GAP43: variants seen among roughly 807,000 people sequenced by gnomAD.
GAP43 encodes neuromodulin.
A neutral mutation model predicts 18.6 loss-of-function variants in GAP43; 6 were observed. The observed-to-expected ratio is 0.32, with a 90% CI of 0.18 to 0.64. GAP43 has a LOEUF of 0.64. Ranked by LOEUF, GAP43 falls within the 30% of genes least tolerant of loss-of-function variation. The pLI, the probability that GAP43 is intolerant of heterozygous loss-of-function variation, is 0.78. For missense variants in GAP43, 292 were observed against 295.5 expected (o/e 0.99, Z 0.09); for synonymous variants, 115 against 111.4 (o/e 1.03, Z -0.20).
chr3:115,623,542 G>C lies in GAP43; in HGVS notation c.-148G>C. On this transcript the variant is annotated 5_prime_UTR_variant, in exon 1 of 3. Coordinates refer to ENST00000305124, the MANE Select transcript of GAP43 (RefSeq NM_002045.4). ...CTGCTAACTGCCCTGGTGTGTGTGA[G>C]GGAGAGAGAGGGAGGGAGGGAGAGA... 1.1e-6 allele frequency: 1 copy of C among 904,080 alleles called. No individual in the cohort carries two copies. Among genetic ancestry groups the C allele is most frequent in the Non-Finnish European group, 1.8e-6 (1 of 569,180 alleles). The allele number at this position is 904,080 out of a possible 1,614,324, so 56.0% of individuals were successfully genotyped here.
intron 1 of GAP43, among the ~76,000 whole-genome samples, chr3:115,639,347 T>G (rs1339025716): frequency 6.6e-6 from 1 of 152,098 alleles, no homozygotes; most frequent in African/African-American, 2.4e-5. Flanking sequence ...TATAAACTTC[T>G]TAATATCTGG....
At chr3:115,702,049 C>A (rs575653626) in intron 2 of GAP43, among the ~76,000 whole-genome samples, 3 of 152,144 alleles carry the variant, frequency 2.0e-5, no homozygotes, top group South Asian at 4.2e-4. Flanking sequence ...TAAGGCCAAT[C>A]TGGTTACACT....
intron 1 of GAP43, among the ~76,000 whole-genome samples, chr3:115,669,929 A>T (rs1362424035): frequency 6.7e-6 from 1 of 148,782 alleles, no homozygotes; most frequent in African/African-American, 2.5e-5. Flanking sequence ...ATGTTGGGGG[A>T]TCCGGTGTAT....
chr3:115,710,804 A>G (rs1298760207), intron 2 of GAP43, among the ~76,000 whole-genome samples: 1 of 152,168 alleles, frequency 6.6e-6, no homozygotes, highest in Non-Finnish European at 1.5e-5. Context: ...CTTAGGTTTT[A>G]TGATTTTTGT....
chr3:115,643,988 C>T (rs1708429180), intron 1 of GAP43, among the ~76,000 whole-genome samples: 1 of 151,988 alleles, frequency 6.6e-6, no homozygotes, highest in African/African-American at 2.4e-5. Context: ...TTCCACCTGC[C>T]TCCACTTCCT....
chr3:115,660,968 T>C (rs74879029), intron 1 of GAP43, among the ~76,000 whole-genome samples: 50 of 152,322 alleles, frequency 3.3e-4, no homozygotes, highest in African/African-American at 1.2e-3. Context: ...TTCACTGCCT[T>C]GTCTTCATCC....
At position 115,714,873 on chromosome 3, in the gene GAP43, G is replaced by GCACACA. The variant is rs111292409; in HGVS notation, c.629-5902_629-5897dup. 3.5e-3 allele frequency among the ~76,000 whole-genome samples: 521 copies of GCACACA among 150,474 alleles called. 2 individuals are homozygous for GCACACA. Among genetic ancestry groups the GCACACA allele is most frequent in the African/African-American group, 0.01 (425 of 41,024 alleles). On this transcript the variant is annotated intron_variant, in intron 2 of 2. Coordinates refer to ENST00000305124, the MANE Select transcript of GAP43 (RefSeq NM_002045.4). The stretch of plus-strand genomic sequence containing the variant: ...ACTACATAGATACACGTGTGCGCGT[G>GCACACA]CACACACACACACACACACACACAT...
intron 2 of GAP43, among the ~76,000 whole-genome samples, chr3:115,705,421 A>G (rs905680162): frequency 6.6e-6 from 1 of 152,212 alleles, no homozygotes; most frequent in Non-Finnish European, 1.5e-5. Flanking sequence ...CAACTTTATA[A>G]TAAGGAATAT....
chr3:115,643,318 TG>T (rs1416666854), intron 1 of GAP43, among the ~76,000 whole-genome samples: 1 of 152,040 alleles, frequency 6.6e-6, no homozygotes. Context: ...AATCAGTTGG[TG>T]GTTTTGCCTT....
intron 1 of GAP43, among the ~76,000 whole-genome samples, chr3:115,650,351 A>C (rs553436591): frequency 6.6e-6 from 1 of 152,308 alleles, no homozygotes; most frequent in East Asian, 1.9e-4. Flanking sequence ...TCCACAACCC[A>C]AAAGAAAACC....
intron 1 of GAP43, among the ~76,000 whole-genome samples, chr3:115,624,192 C>T (rs1393107075): frequency 2.0e-5 from 3 of 152,034 alleles, no homozygotes; most frequent in Non-Finnish European, 2.9e-5. Flanking sequence ...TGCCTTATTT[C>T]GTGCATGCAT....
rs919704797 is a variant in GAP43, at chr3:115,666,829, C to T, written c.31-9184C>T. 2.6e-5 allele frequency among the ~76,000 whole-genome samples: 4 copies of T among 152,152 alleles called. 1 individual carries two copies. Among genetic ancestry groups the T allele is most frequent in the Admixed American group, 6.5e-5 (1 of 15,272 alleles). On this transcript the variant is annotated intron_variant, in intron 1 of 2. Coordinates refer to ENST00000305124, the MANE Select transcript of GAP43 (RefSeq NM_002045.4). ...GCTTTGTCATTCAGAAGCTGGATGA[C>T]GCTGGACTCCTTCCTGGTTCCTCAT...
chr3:115,629,422 T>C (rs1028549057), intron 1 of GAP43, among the ~76,000 whole-genome samples: 1 of 151,674 alleles, frequency 6.6e-6, no homozygotes, highest in Non-Finnish European at 1.5e-5. Context: ...TTTTTTTTTT[T>C]ACCTGATGAC....
rs535788493 is a variant in GAP43 at position 115,677,545 on chromosome 3, A to C, written c.628+935A>C. On this transcript the variant is annotated intron_variant, in intron 2 of 2. Transcript: ENST00000305124. ...CTAGATCCTTCCCTCACCCCAACACATCCACAGTGGTAAAGGAGGCCAACA... is the reference window on the plus strand; with the variant it reads ...CTAGATCCTTCCCTCACCCCAACACCTCCACAGTGGTAAAGGAGGCCAACA... Among the ~76,000 whole-genome samples the C allele has an allele frequency of 6.6e-5, 10 of 152,308 alleles. No homozygotes were observed. In the East Asian group the frequency reaches 1.9e-3, roughly 29 times the overall value.
rs1328300520 is a variant in GAP43, at chr3:115,720,831, G to A, written c.666G>A (p.Arg222=). The change falls in exon 3 of 3, where the codon CGG becomes CGA. Residue 222 remains arginine (R), a synonymous_variant. Transcript: ENST00000305124. ...AAACCAAACCTAAGGAAAGTGCCCG[G>A]CAGGACGAGGGTAAAGAAGAGGAAC... ...VDETKPKESA[R]QDEGKEEEPE... 1.9e-6 allele frequency: 3 copies of A among 1,612,862 alleles called. No individual in the cohort carries two copies. In the African/African-American group the frequency reaches 4.0e-5, roughly 22 times the overall value.
chr3:115,633,352 G>A (rs1708287438), intron 1 of GAP43, among the ~76,000 whole-genome samples: 1 of 152,102 alleles, frequency 6.6e-6, no homozygotes, highest in South Asian at 2.1e-4. Context: ...AGGGCTGGGT[G>A]ACATAGGTTA....
intron 1 of GAP43, among the ~76,000 whole-genome samples, chr3:115,637,505 C>T (rs528092660): frequency 6.6e-6 from 1 of 152,026 alleles, no homozygotes; most frequent in Non-Finnish European, 1.5e-5. Flanking sequence ...CCACCTACAC[C>T]TTTGGTTGCA....
At chr3:115,671,415 A>AT (rs372708314) in intron 1 of GAP43, among the ~76,000 whole-genome samples, 79 of 152,266 alleles carry the variant, frequency 5.2e-4, no homozygotes, top group Middle Eastern at 3.4e-3. Flanking sequence ...GGTACTCTTC[A>AT]TTTTTTCCAA....
At chr3:115,675,178 C>T (rs573322882) in intron 1 of GAP43, among the ~76,000 whole-genome samples, 1 of 152,222 alleles carries the variant, frequency 6.6e-6, no homozygotes, top group African/African-American at 2.4e-5. Context: ...CTCAAGTAAG[C>T]CTCCTTCCTC....
Sources: allele counts gnomAD v4.1 joint callset (sites outside exome capture counted in the v4.1 genomes callset), GRCh38; gene constraint gnomAD v4.1.1; transcripts MANE v1.5; gene names NCBI Gene and HGNC (gene_info 2026-07-23, HGNC 2026-07-21).